CNTN5: variants seen among roughly 807,000 people sequenced by gnomAD.
CNTN5 encodes contactin-5.
In CNTN5, 77 loss-of-function variants were observed where a neutral mutation model predicts 129.1. That is an observed-to-expected ratio of 0.60 (90% CI 0.50 to 0.72). CNTN5 has a LOEUF of 0.72. CNTN5 is among the 30% of genes least tolerant of loss of function. The pLI is 0.00. For missense variants in CNTN5, 1,478 were observed against 1,328.8 expected (o/e 1.11, Z -1.75); for synonymous variants, 509 against 465.6 (o/e 1.09, Z -1.20).
intron 3 of CNTN5, among the ~76,000 whole-genome samples, chr11:99,769,186 C>G (rs1565509184): frequency 6.6e-6 from 1 of 152,080 alleles, no homozygotes; most frequent in Non-Finnish European, 1.5e-5. Flanking sequence ...GCAACTTTGA[C>G]CTGTTGTCTT....
At chr11:99,035,462 G>A (rs531047211) in intron 1 of CNTN5, among the ~76,000 whole-genome samples, 192 of 151,902 alleles carry the variant, frequency 1.3e-3, no homozygotes, top group Non-Finnish European at 2.3e-3. Flanking sequence ...TCCTGTATTG[G>A]GTGCATATAT....
intron 1 of CNTN5, among the ~76,000 whole-genome samples, chr11:99,231,279 A>C (rs185437022): frequency 5.3e-4 from 80 of 152,208 alleles, no homozygotes; most frequent in Admixed American, 1.6e-3. Flanking sequence ...AACTGTGTAA[A>C]AGTGTTCCTG....
intron 9 of CNTN5, among the ~76,000 whole-genome samples, chr11:100,045,140 G>A (rs201538380): frequency 1.3e-5 from 2 of 150,550 alleles, no homozygotes; most frequent in East Asian, 3.9e-4. Context: ...ATTCATTCTC[G>A]ATTCCTTTCT....
intron 1 of CNTN5, among the ~76,000 whole-genome samples, chr11:99,129,838 C>T (rs1030107855): frequency 6.6e-6 from 1 of 152,134 alleles, no homozygotes; most frequent in African/African-American, 2.4e-5. Flanking sequence ...AGCTCCCAAT[C>T]CAGAATTTCA....
In CNTN5 at chr11:100,027,788, G is replaced by T. The variant is rs565671260; in HGVS notation, c.980+25652G>T. Among the ~76,000 whole-genome samples the T allele has an allele frequency of 2.0e-5, 3 of 152,136 alleles. No individual in the cohort carries two copies. The East Asian group carries it at 5.8e-4, about 29-fold the overall frequency. On this transcript the variant is annotated intron_variant, in intron 9 of 24. Coordinates refer to ENST00000524871, the MANE Select transcript of CNTN5 (RefSeq NM_014361.4). ...GCTGTAGAGTGAAAACTTTGTCCAG[G>T]GAGCAAGCTTGGGCAGTTGTATGAT...
chr11:99,087,668 A>T (rs1866057670), intron 1 of CNTN5, among the ~76,000 whole-genome samples: 2 of 152,208 alleles, frequency 1.3e-5, no homozygotes. Flanking sequence ...GTCTTTTCTA[A>T]TAATAAATGT....
At chr11:99,077,410 C>A (rs1865622078) in intron 1 of CNTN5, among the ~76,000 whole-genome samples, 2 of 152,116 alleles carry the variant, frequency 1.3e-5, no homozygotes, top group East Asian at 1.9e-4. Flanking sequence ...TGGCATTAGC[C>A]TCCACACATT....
chr11:100,176,112 C>T (rs538855909), intron 13 of CNTN5, among the ~76,000 whole-genome samples: 12 of 152,094 alleles, frequency 7.9e-5, no homozygotes, highest in African/African-American at 2.4e-4. Flanking sequence ...CTCTGCCTTC[C>T]GGTTCCAAGT....
chr11:100,176,945 C>T (rs1947986388), intron 13 of CNTN5, among the ~76,000 whole-genome samples: 1 of 151,678 alleles, frequency 6.6e-6, no homozygotes, highest in Non-Finnish European at 1.5e-5. Context: ...GTTCCGAGAT[C>T]TTCCCAGCAC....
At chr11:99,777,994 C>A (rs1321585452) in intron 3 of CNTN5, among the ~76,000 whole-genome samples, 2 of 151,690 alleles carry the variant, frequency 1.3e-5, no homozygotes, top group Non-Finnish European at 2.9e-5. Context: ...ATAGGCGTAC[C>A]CTTACACTAG....
intron 3 of CNTN5, among the ~76,000 whole-genome samples, chr11:99,789,324 G>C (rs990023239): frequency 2.0e-5 from 3 of 151,884 alleles, no homozygotes; most frequent in African/African-American, 7.2e-5. Context: ...TTACAGATTA[G>C]AGAGATTAAG....
intron 13 of CNTN5, among the ~76,000 whole-genome samples, chr11:100,083,502 A>AACAT (rs1441676957): frequency 6.6e-6 from 1 of 152,086 alleles, no homozygotes; most frequent in Non-Finnish European, 1.5e-5. Context: ...ATCTGATTTC[A>AACAT]ACATAGGGTT....
At chr11:100,165,922 A>G (rs1450942660) in intron 13 of CNTN5, among the ~76,000 whole-genome samples, 1 of 151,768 alleles carries the variant, frequency 6.6e-6, no homozygotes, top group Non-Finnish European at 1.5e-5. Flanking sequence ...GGACATAACT[A>G]AGGAAGGATT....
intron 1 of CNTN5, among the ~76,000 whole-genome samples, chr11:99,222,759 C>T (rs1027534045): frequency 3.9e-5 from 6 of 152,014 alleles, no homozygotes; most frequent in African/African-American, 1.4e-4. Context: ...GGAAAAATTA[C>T]TTCTGTGTTT....
At chr11:100,004,480 T>C (rs1190852182) in intron 9 of CNTN5, among the ~76,000 whole-genome samples, 1 of 152,186 alleles carries the variant, frequency 6.6e-6, no homozygotes, top group African/African-American at 2.4e-5. Context: ...GTCTGTATAC[T>C]TTTTAATCCC....
intron 4 of CNTN5, among the ~76,000 whole-genome samples, chr11:99,837,701 A>C (rs945034826): frequency 1.6e-4 from 24 of 151,676 alleles, no homozygotes; most frequent in Non-Finnish European, 3.4e-4. Flanking sequence ...AAAAAAAAAA[A>C]AAACCTATCA....
intron 1 of CNTN5, among the ~76,000 whole-genome samples, chr11:99,294,293 TA>T (rs1864292790): frequency 6.6e-6 from 1 of 152,200 alleles, no homozygotes; most frequent in Non-Finnish European, 1.5e-5. Context: ...AAATAATTGT[TA>T]GAACCAATAA....
chr11:99,124,485 A>G (rs1187752791), intron 1 of CNTN5, among the ~76,000 whole-genome samples: 2 of 151,964 alleles, frequency 1.3e-5, no homozygotes, highest in African/African-American at 4.8e-5. Flanking sequence ...AGGGATGTAT[A>G]TAGCACTAAA....
intron 13 of CNTN5, among the ~76,000 whole-genome samples, chr11:100,160,969 G>A (rs1174413917): frequency 1.3e-5 from 2 of 151,900 alleles, no homozygotes; most frequent in Non-Finnish European, 2.9e-5. Flanking sequence ...AGATCAGTAT[G>A]ACTCCAGAGC....
Sources: allele counts gnomAD v4.1 joint callset (sites outside exome capture counted in the v4.1 genomes callset), GRCh38; gene constraint gnomAD v4.1.1; transcripts MANE v1.5; gene names NCBI Gene and HGNC (gene_info 2026-07-23, HGNC 2026-07-21).